The following ATP6V0E1 variants were observed in gnomAD, a reference collection of about 807,000 sequenced individuals.
ATP6V0E1 encodes the protein ATPase H+ transporting V0 subunit e1.
ATP6V0E1 carries 4 observed loss-of-function variants against 11.6 expected under a neutral mutation model. The ratio of observed to expected loss-of-function variants is 0.35; its 90% CI spans 0.17 to 0.79. The LOEUF is 0.79. Among genes scored for constraint, ATP6V0E1 ranks in the 30% least tolerant of loss-of-function variants. ATP6V0E1 has a pLI of 0.54. For synonymous variants in ATP6V0E1, 36 were observed against 34.8 expected (o/e 1.04, Z -0.13); for missense variants, 105 against 100.0 (o/e 1.05, Z -0.21).
At chr5:172,988,011 A>G (rs1755922383) in intron 1 of ATP6V0E1, among the ~76,000 whole-genome samples, 1 of 152,086 alleles carries the variant, frequency 6.6e-6, no homozygotes, top group African/African-American at 2.4e-5. Context: ...CCTCGGACCT[A>G]ATCTATTTTC....
chr5:172,997,389 G>A (rs763807459), intron 2 of ATP6V0E1, among the ~76,000 whole-genome samples: 2 of 151,834 alleles, frequency 1.3e-5, no homozygotes, highest in Non-Finnish European at 2.9e-5. Flanking sequence ...TGGGGAAATG[G>A]CTGTTAAAAA....
chr5:173,030,785 G>T (rs1302726820), intron 3 of ATP6V0E1, among the ~76,000 whole-genome samples: 62 of 151,740 alleles, frequency 4.1e-4, no homozygotes, highest in Non-Finnish European at 4.4e-5. Context: ...ATCTCGCTCT[G>T]TCACCCAGAC....
chr5:173,032,148 C>A (rs544206070), intron 3 of ATP6V0E1, among the ~76,000 whole-genome samples: 60 of 151,816 alleles, frequency 4.0e-4, no homozygotes, highest in African/African-American at 1.4e-3. Flanking sequence ...AGAGCAAGAC[C>A]CTGTCTCAAG....
chr5:172,996,336 G>A (rs183622105), intron 2 of ATP6V0E1, among the ~76,000 whole-genome samples: 1 of 152,012 alleles, frequency 6.6e-6, no homozygotes, highest in Admixed American at 6.6e-5. Flanking sequence ...GAGGCGGGTG[G>A]ATCACCAGGT....
intron 1 of ATP6V0E1, among the ~76,000 whole-genome samples, chr5:172,993,889 A>G (rs1756025792): frequency 6.6e-6 from 1 of 152,000 alleles, no homozygotes; most frequent in African/African-American, 2.4e-5. Flanking sequence ...GAGTTATAAT[A>G]TTTGGTTCCC....
chr5:173,024,903 C>T (rs538893437), intron 3 of ATP6V0E1, among the ~76,000 whole-genome samples: 4 of 143,002 alleles, frequency 2.8e-5, no homozygotes, highest in East Asian at 4.0e-4. Context: ...AGTGCGGTGG[C>T]GTGATCTGGG....
In ATP6V0E1 at chr5:173,033,492, C is replaced by A. The variant is rs553512743; in HGVS notation, c.*37-907C>A. Among the ~76,000 whole-genome samples the A allele has an allele frequency of 6.6e-5, 10 of 152,242 alleles. No homozygotes were observed. In the East Asian group the frequency reaches 1.9e-3, roughly 29 times the overall value. On this transcript the variant is annotated intron_variant, in intron 3 of 3. Transcript: ENST00000519374. Reference sequence around the variant, plus strand: ...GAGGCTTTCACACTACTACAAGAAACAAGTAGCTCTGGTAATTACCACTCC... The same window carrying A: ...GAGGCTTTCACACTACTACAAGAAAAAAGTAGCTCTGGTAATTACCACTCC...
chr5:172,985,078 T>C (rs1217089285), intron 1 of ATP6V0E1, among the ~76,000 whole-genome samples: 3 of 152,028 alleles, frequency 2.0e-5, no homozygotes, highest in Non-Finnish European at 2.9e-5. Flanking sequence ...AACCCGTCTC[T>C]ACTAAAAACA....
Position 172,983,807 on chromosome 5 carries a change from C to A in ATP6V0E1, c.-54C>A. 1.3e-6 allele frequency: 2 copies of A among 1,552,748 alleles called. No individual in the cohort carries two copies. Among genetic ancestry groups the A allele is most frequent in the Non-Finnish European group, 1.8e-6 (2 of 1,126,246 alleles). On this transcript the variant is annotated 5_prime_UTR_variant, in exon 1 of 4. In the 5' UTR this introduces an upstream ATG that the reference lacks. Transcript: ENST00000519374. Reference sequence around the variant, plus strand: ...TCACGCGGTCAGCTATTGACACTTCCTGGTGGGATCCGAGTGAGGCGACGG... The same window carrying A: ...TCACGCGGTCAGCTATTGACACTTCATGGTGGGATCCGAGTGAGGCGACGG...
In ATP6V0E1 at chr5:172,996,455, G is replaced by A. The variant is rs950308186; in HGVS notation, c.152+1633G>A. ...CGCACACCTGTAGTCCCAGCTGCTCGGGAGGCTGAGGCAGGAGAATCACTT... is the reference window on the plus strand; with the variant it reads ...CGCACACCTGTAGTCCCAGCTGCTCAGGAGGCTGAGGCAGGAGAATCACTT... On this transcript the variant is annotated intron_variant, in intron 2 of 3. Transcript: ENST00000519374. Among the ~76,000 whole-genome samples, 7 of 152,084 alleles carry A rather than the reference G, an allele frequency of 4.6e-5. 1 individual carries two copies. In the South Asian group the frequency reaches 1.0e-3, roughly 23 times the overall value.
intron 2 of ATP6V0E1, among the ~76,000 whole-genome samples, chr5:172,996,861 T>C (rs1756075220): frequency 6.6e-6 from 1 of 152,126 alleles, no homozygotes; most frequent in African/African-American, 2.4e-5. Flanking sequence ...AAAATTACTT[T>C]TCTTTAAACA....
chr5:173,034,186 C>T (rs1000634050), intron 3 of ATP6V0E1, among the ~76,000 whole-genome samples: 1 of 152,220 alleles, frequency 6.6e-6, no homozygotes, highest in African/African-American at 2.4e-5. Flanking sequence ...TACTTGTGCT[C>T]CTCATTTCAG....
intron 1 of ATP6V0E1, among the ~76,000 whole-genome samples, chr5:172,989,006 C>T (rs1005507268): frequency 1.2e-4 from 19 of 152,160 alleles, no homozygotes; most frequent in Non-Finnish European, 2.5e-4. Flanking sequence ...ATTTTTAATA[C>T]AGGTGAGCAT....
chr5:173,024,324 G>A (rs1218563446), intron 3 of ATP6V0E1, among the ~76,000 whole-genome samples: 3 of 151,856 alleles, frequency 2.0e-5, no homozygotes, highest in Admixed American at 6.6e-5. Context: ...TATTCAATGA[G>A]ATTTTTTTTA....
intron 2 of ATP6V0E1, among the ~76,000 whole-genome samples, chr5:173,016,645 T>C (rs1241434495): frequency 6.6e-6 from 1 of 152,236 alleles, no homozygotes; most frequent in African/African-American, 2.4e-5. Flanking sequence ...CTTACGAAAG[T>C]GTTTTTTCAG....
intron 2 of ATP6V0E1, among the ~76,000 whole-genome samples, chr5:173,005,960 G>A (rs976984004): frequency 1.3e-5 from 2 of 152,164 alleles, no homozygotes; most frequent in African/African-American, 4.8e-5. Context: ...GTGGTCAGAA[G>A]ATATACTCTC....
intron 2 of ATP6V0E1, among the ~76,000 whole-genome samples, chr5:172,995,329 T>G (rs1756047797): frequency 6.6e-6 from 1 of 152,220 alleles, no homozygotes; most frequent in East Asian, 1.9e-4. Flanking sequence ...CTCAAACTCC[T>G]GACCTCAAGT....
intron 3 of ATP6V0E1, 99 bp downstream of exon 3, chr5:173,020,466 G>T: frequency 1.5e-6 from 1 of 686,586 alleles, no homozygotes; most frequent in Admixed American, 2.7e-5. Context: ...ACGTGGCAAG[G>T]GCAAGCTGCT....
Position 172,983,955 on chromosome 5 carries a change from C to T in ATP6V0E1, c.95C>T (p.Pro32Leu). The change falls in exon 1 of 4, where the codon CCT (proline) becomes CTT (leucine). Residue 32 changes from proline (P) to leucine (L), a missense_variant. By Grantham distance (98) the Pro-to-Leu change is moderately conservative. Transcript: ENST00000519374. ...FLVPWFIPKG[P>L]NRGVIITMLV... Reference sequence around the variant, plus strand: ...GTGCCTTGGTTCATCCCTAAGGGTCCTAACCGGGGGTAAGTGCGTGAGGCC... The same window carrying T: ...GTGCCTTGGTTCATCCCTAAGGGTCTTAACCGGGGGTAAGTGCGTGAGGCC... 6.2e-7 allele frequency: 1 copy of T among 1,612,642 alleles called. No homozygotes were observed. Among genetic ancestry groups the T allele is most frequent in the Non-Finnish European group, 8.5e-7 (1 of 1,179,776 alleles).
Sources: allele counts gnomAD v4.1 joint callset (sites outside exome capture counted in the v4.1 genomes callset), GRCh38; gene constraint gnomAD v4.1.1; transcripts MANE v1.5; gene names NCBI Gene and HGNC (gene_info 2026-07-23, HGNC 2026-07-21).